Variants in CAMTA1 observed in about 807,000 individuals in gnomAD.
The protein encoded by CAMTA1 is calmodulin-binding transcription activator 1.
Under a neutral mutation model 170.9 loss-of-function variants are expected in CAMTA1, and 27 were observed. The ratio of observed to expected loss-of-function variants is 0.16; its 90% confidence interval spans 0.12 to 0.22. The LOEUF (loss-of-function observed/expected upper bound fraction) is 0.22, where lower values mean the gene tolerates loss of function less well. CAMTA1 is among the 10% of genes least tolerant of loss of function. The pLI, the probability that CAMTA1 is intolerant of heterozygous loss-of-function variation, is 1.00. For synonymous variants in CAMTA1, 833 were observed against 891.5 expected (o/e 0.93, Z 1.17); for missense variants, 1,619 against 2,217.2 (o/e 0.73, Z 5.42).
intron 6 of CAMTA1, among the ~76,000 whole-genome samples, chr1:7,492,921 C>T (rs1350332597): frequency 8.1e-6 from 1 of 123,520 alleles, no homozygotes; most frequent in African/African-American, 3.2e-5. Flanking sequence ...ACACACAAAC[C>T]TGCAAACACA....
chr1:7,551,434 A>G (rs2094801518), intron 6 of CAMTA1, among the ~76,000 whole-genome samples: 1 of 152,216 alleles, frequency 6.6e-6, no homozygotes, highest in African/African-American at 2.4e-5. Context: ...GCACCCAGCT[A>G]GTTCCCAGAC....
intron 3 of CAMTA1, among the ~76,000 whole-genome samples, chr1:6,956,887 G>A (rs978085271): frequency 1.5e-4 from 23 of 152,328 alleles, no homozygotes; most frequent in African/African-American, 5.5e-4. Flanking sequence ...CTCATCCCGA[G>A]GAGGCATGGC....
intron 7 of CAMTA1, among the ~76,000 whole-genome samples, chr1:7,657,537 C>T (rs1056189686): frequency 2.0e-5 from 3 of 152,270 alleles, no homozygotes; most frequent in Admixed American, 6.5e-5. Context: ...ACTTTTAACG[C>T]GGTTTCCCTT....
At chr1:6,987,561 A>C (rs1354468686) in intron 3 of CAMTA1, among the ~76,000 whole-genome samples, 1 of 152,258 alleles carries the variant, frequency 6.6e-6, no homozygotes, top group East Asian at 1.9e-4. Flanking sequence ...GAGGACCACC[A>C]AAACCATTTG....
chr1:7,030,937 C>G (rs1319134990), intron 3 of CAMTA1, among the ~76,000 whole-genome samples: 1 of 151,012 alleles, frequency 6.6e-6, no homozygotes, highest in Non-Finnish European at 1.5e-5. Flanking sequence ...CGGGTTCACG[C>G]CATTCTCCTG....
chr1:7,343,139 T>G (rs2083960847), intron 5 of CAMTA1, among the ~76,000 whole-genome samples: 1 of 152,210 alleles, frequency 6.6e-6, no homozygotes, highest in East Asian at 1.9e-4. Flanking sequence ...AACCCCAAAC[T>G]TTCCTTTCAG....
intron 6 of CAMTA1, among the ~76,000 whole-genome samples, chr1:7,606,962 A>C (rs1302432106): frequency 6.6e-6 from 1 of 152,250 alleles, no homozygotes; most frequent in Non-Finnish European, 1.5e-5. Context: ...CAGCACCAGG[A>C]GAGTTAGCTC....
intron 1 of CAMTA1, among the ~76,000 whole-genome samples, chr1:6,791,459 A>T (rs985736464): frequency 6.6e-6 from 1 of 152,158 alleles, no homozygotes; most frequent in Non-Finnish European, 1.5e-5. Context: ...GGGCCTCCCC[A>T]TGTAGGATTT....
chr1:7,002,662 C>G (rs1572359803), intron 3 of CAMTA1, among the ~76,000 whole-genome samples: 2 of 152,358 alleles, frequency 1.3e-5, no homozygotes, highest in Admixed American at 1.3e-4. Flanking sequence ...TTTGCTAGTT[C>G]AGTTACTCAA....
At chr1:6,897,169 G>GTA (rs745696032) in intron 3 of CAMTA1, among the ~76,000 whole-genome samples, 2 of 152,196 alleles carry the variant, frequency 1.3e-5, no homozygotes, top group Admixed American at 6.5e-5. Context: ...TCAGGTAGGA[G>GTA]GGAACAAACA....
intron 4 of CAMTA1, among the ~76,000 whole-genome samples, chr1:7,119,755 G>C (rs1445380523): frequency 3.9e-5 from 6 of 152,166 alleles, no homozygotes; most frequent in Admixed American, 3.9e-4. Context: ...TTCAGCTGCT[G>C]TTAATGGGAG....
chr1:7,387,024 G>A (rs1291511089), intron 5 of CAMTA1, among the ~76,000 whole-genome samples: 1 of 152,044 alleles, frequency 6.6e-6, no homozygotes, highest in Non-Finnish European at 1.5e-5. Context: ...GGCTTGCCCT[G>A]AAAGTCAGCA....
intron 9 of CAMTA1, among the ~76,000 whole-genome samples, chr1:7,669,615 G>C (rs2096037045): frequency 6.6e-6 from 1 of 152,242 alleles, no homozygotes; most frequent in Non-Finnish European, 1.5e-5. Context: ...CCAGGCTCCA[G>C]CCTGCCTGGC....
At chr1:7,237,646 C>T (rs1186422338) in intron 4 of CAMTA1, among the ~76,000 whole-genome samples, 2 of 152,236 alleles carry the variant, frequency 1.3e-5, no homozygotes, top group Non-Finnish European at 2.9e-5. Context: ...CTCAAGAACA[C>T]ATCACCCCTC....
chr1:6,936,441 G>C (rs1685316381), intron 3 of CAMTA1, among the ~76,000 whole-genome samples: 1 of 152,132 alleles, frequency 6.6e-6, no homozygotes, highest in Non-Finnish European at 1.5e-5. Context: ...CTGGTGGCCA[G>C]AGGCAGATGC....
chr1:7,345,514 T>G (rs972847851), intron 5 of CAMTA1, among the ~76,000 whole-genome samples: 12 of 152,244 alleles, frequency 7.9e-5, no homozygotes, highest in Admixed American at 7.2e-4. Flanking sequence ...GTTTGTACTT[T>G]GAAGACTTTC....
chr1:7,338,348 C>T (rs563443109), intron 5 of CAMTA1, among the ~76,000 whole-genome samples: 12 of 152,224 alleles, frequency 7.9e-5, no homozygotes, highest in South Asian at 2.1e-4. Flanking sequence ...CATGTAGGGC[C>T]GGGACACGGC....
chr1:7,364,938 A>C (rs551523996), intron 5 of CAMTA1, among the ~76,000 whole-genome samples: 1 of 152,380 alleles, frequency 6.6e-6, no homozygotes, highest in African/African-American at 2.4e-5. Flanking sequence ...CAGTCCAGTC[A>C]GGGGAATGGC....
chr1:7,710,350 C>G (rs1309360497), intron 11 of CAMTA1, among the ~76,000 whole-genome samples: 1 of 152,134 alleles, frequency 6.6e-6, no homozygotes, highest in Admixed American at 6.5e-5. Context: ...GTAATCCCAG[C>G]ATGTTGGGGG....
Sources: allele counts gnomAD v4.1 joint callset (sites outside exome capture counted in the v4.1 genomes callset), GRCh38; gene constraint gnomAD v4.1.1; transcripts MANE v1.5; gene names NCBI Gene and HGNC (gene_info 2026-07-23, HGNC 2026-07-21).